The following HSPA12A variants were observed in gnomAD, a reference collection of about 807,000 sequenced individuals.
The protein encoded by HSPA12A is heat shock 70 kDa protein 12A.
HSPA12A carries 28 observed loss-of-function variants against 69.2 expected under a neutral mutation model. The observed-to-expected ratio is 0.40, with a 90% confidence interval of 0.30 to 0.55. The LOEUF (loss-of-function observed/expected upper bound fraction) is 0.55. Ranked by LOEUF, HSPA12A falls within the 20% of genes least tolerant of loss-of-function variation. The pLI is 0.38. For missense variants in HSPA12A, 686 were observed against 900.7 expected (o/e 0.76, Z 3.05); for synonymous variants, 345 against 370.5 (o/e 0.93, Z 0.79).
intron 2 of HSPA12A, among the ~76,000 whole-genome samples, chr10:116,749,100 T>A (rs1210824700): frequency 6.6e-6 from 1 of 152,140 alleles, no homozygotes; most frequent in African/African-American, 2.4e-5. Flanking sequence ...TGGTTCCATA[T>A]ATTATGCCAC....
intron 1 of HSPA12A, among the ~76,000 whole-genome samples, chr10:116,732,177 A>C (rs1851171871): frequency 1.3e-5 from 2 of 151,898 alleles, no homozygotes; most frequent in African/African-American, 2.4e-5. Context: ...CTAAAACTAC[A>C]AAATTAGCTG....
rs192245259 is a variant in HSPA12A at position 116,681,000 on chromosome 10, A to G, written c.1027+152T>C. ...ATGTTTAATTGCATTTTGCTTTCCA[A>G]TTTCAAGCAGACATTAGTATCCTCC... On this transcript the variant is annotated intron_variant, in intron 9 of 11. Coordinates refer to ENST00000369209, the MANE Select transcript of HSPA12A (RefSeq NM_025015.3). The G allele has an allele frequency of 1.7e-3, 970 of 580,582 alleles. 5 individuals carry two copies. Among genetic ancestry groups the G allele is most frequent in the Non-Finnish European group, 2.1e-3 (690 of 325,770 alleles). The allele number at this position is 580,582 out of a possible 1,614,324, so 36.0% of individuals were successfully genotyped here.
chr10:116,750,410 T>A (rs781844449), intron 2 of HSPA12A: 1 of 683,822 alleles, frequency 1.5e-6, no homozygotes, highest in South Asian at 1.4e-5. Context: ...AGATGGAGGC[T>A]TGTCTACCCC....
At chr10:116,732,046 C>G (rs1851167625) in intron 1 of HSPA12A, among the ~76,000 whole-genome samples, 1 of 151,936 alleles carries the variant, frequency 6.6e-6, no homozygotes, top group Non-Finnish European at 1.5e-5. Context: ...AAGTAAGAGA[C>G]AGGGCCAGGG....
At chr10:116,834,808 C>G (rs1299295446) in intron 2 of HSPA12A, 1 of 417,484 alleles carries the variant, frequency 2.4e-6, no homozygotes, top group Non-Finnish European at 3.9e-6. Flanking sequence ...TGGCAAACAT[C>G]TTACACGTGC....
chr10:116,780,146 C>T (rs1844432236), intron 2 of HSPA12A, among the ~76,000 whole-genome samples: 1 of 152,184 alleles, frequency 6.6e-6, no homozygotes, highest in African/African-American at 2.4e-5. Context: ...AGCTGCAGGG[C>T]ACTGTCGCAG....
At chr10:116,797,402 C>T in intron 2 of HSPA12A, among the ~76,000 whole-genome samples, 1 of 152,068 alleles carries the variant, frequency 6.6e-6, no homozygotes, top group East Asian at 1.9e-4. Flanking sequence ...GTTTGGGTTC[C>T]TTACAATTGT....
At position 116,673,777 on chromosome 10, in the gene HSPA12A, A is replaced by G. The variant is rs1554877104; in HGVS notation, c.*1004T>C. ...CAGATTCTCTTCCCAAATTTCACCAATGTATTCCTTTCAAAATGTGGAATT... is the reference window on the plus strand; with the variant it reads ...CAGATTCTCTTCCCAAATTTCACCAGTGTATTCCTTTCAAAATGTGGAATT... On this transcript the variant is annotated 3_prime_UTR_variant, in exon 12 of 12. Transcript: ENST00000369209. 1 of 152,200 alleles carries G rather than the reference A, an allele frequency of 6.6e-6. No homozygotes were observed. Among genetic ancestry groups the G allele is most frequent in the Admixed American group, 6.5e-5 (1 of 15,286 alleles). The allele number at this position is 152,200 out of a possible 1,614,324, so 9.4% of individuals were successfully genotyped here. A position where few individuals can be genotyped will look rare whatever the true frequency, so the allele number is the denominator to read the frequency against.
chr10:116,821,487 A>T (rs551623305), intron 2 of HSPA12A, among the ~76,000 whole-genome samples: 46 of 152,264 alleles, frequency 3.0e-4, no homozygotes, highest in African/African-American at 1.1e-3. Context: ...CTAGCCCATC[A>T]TTCTTTATTC....
chr10:116,812,400 T>C (rs1050264210), intron 2 of HSPA12A, among the ~76,000 whole-genome samples: 1 of 150,228 alleles, frequency 6.7e-6, no homozygotes, highest in Non-Finnish European at 1.5e-5. Flanking sequence ...ATGCAGCGAG[T>C]CGAAATTGCA....
At chr10:116,755,567 G>A (rs536595077) in intron 2 of HSPA12A, among the ~76,000 whole-genome samples, 20 of 146,036 alleles carry the variant, frequency 1.4e-4, no homozygotes, top group African/African-American at 4.6e-4. Context: ...AGCCAAGATC[G>A]TGCCACTGCA....
At chr10:116,705,689 G>T (rs3010491) in intron 2 of HSPA12A, among the ~76,000 whole-genome samples, 79,530 of 152,106 alleles carry the variant, frequency 0.52, 21,122 homozygotes, top group Middle Eastern at 0.66. Context: ...GGAGCATTTC[G>T]CCAGCTGTGC....
chr10:116,776,858 A>G (rs1844350531), intron 2 of HSPA12A, among the ~76,000 whole-genome samples: 1 of 152,200 alleles, frequency 6.6e-6, no homozygotes, highest in Non-Finnish European at 1.5e-5. Flanking sequence ...CAAATATGAT[A>G]ATTTAGGGAT....
upstream of HSPA12A, chr10:116,849,861 T>G (rs972729910): frequency 3.7e-6 from 4 of 1,073,496 alleles, no homozygotes; most frequent in Admixed American, 2.2e-5. Flanking sequence ...TGGGCCTGCG[T>G]GTGCGGAGGA....
At chr10:116,818,371 C>T (rs1189222191) in intron 2 of HSPA12A, among the ~76,000 whole-genome samples, 1 of 152,144 alleles carries the variant, frequency 6.6e-6, no homozygotes, top group East Asian at 1.9e-4. Flanking sequence ...CCCACTGGTT[C>T]TCTTCCCTGC....
Position 116,728,972 on chromosome 10 carries a change from C to T in HSPA12A, c.40+13458G>A, listed in dbSNP as rs571386999. 1.2e-3 allele frequency among the ~76,000 whole-genome samples: 176 copies of T among 152,252 alleles called. 1 individual carries two copies. The Middle Eastern group carries it at 0.024, about 21-fold the overall frequency. ...GCAATAAGCCTCCCGGGGCAAGGGC[C>T]CTCACACATCCCTGCAGGCGGCCTA... On this transcript the variant is annotated intron_variant, in intron 1 of 11. Coordinates refer to ENST00000369209, the MANE Select transcript of HSPA12A (RefSeq NM_025015.3).
chr10:116,732,319 C>CA (rs1218794863), intron 1 of HSPA12A, among the ~76,000 whole-genome samples: 8 of 46,536 alleles, frequency 1.7e-4, no homozygotes, highest in Admixed American at 8.2e-4. Flanking sequence ...GACTCCGTCT[C>CA]AAAAAAAACA....
chr10:116,822,709 G>C (rs1034550991), intron 2 of HSPA12A, among the ~76,000 whole-genome samples: 1 of 152,176 alleles, frequency 6.6e-6, no homozygotes, highest in Non-Finnish European at 1.5e-5. Flanking sequence ...AGTCCCATTG[G>C]ACATTTTTAT....
intron 5 of HSPA12A, among the ~76,000 whole-genome samples, chr10:116,694,096 T>C (rs1004438635): frequency 1.3e-5 from 2 of 152,196 alleles, no homozygotes; most frequent in Non-Finnish European, 2.9e-5. Context: ...AGGGGCTTCC[T>C]TGAGCTGTCT....
Sources: allele counts gnomAD v4.1 joint callset (sites outside exome capture counted in the v4.1 genomes callset), GRCh38; gene constraint gnomAD v4.1.1; transcripts MANE v1.5; gene names NCBI Gene and HGNC (gene_info 2026-07-23, HGNC 2026-07-21).